The following WWOX variants were observed in gnomAD, a reference collection of about 807,000 sequenced individuals.
WWOX encodes WW domain-containing oxidoreductase.
A neutral mutation model predicts 46.2 loss-of-function variants in WWOX; 69 were observed. The ratio of observed to expected loss-of-function variants is 1.49; its 90% CI spans 1.23 to 1.82. The LOEUF (loss-of-function observed/expected upper bound fraction) is 1.82. Ranked by LOEUF, WWOX falls within the 40% of genes most tolerant of loss-of-function variation. WWOX has a pLI of 0.00. For synonymous variants in WWOX, 359 were observed against 202.6 expected, an observed-to-expected ratio of 1.77 and a Z score of -6.56; for missense variants, 919 against 542.6, an observed-to-expected ratio of 1.69 and a Z score of -6.89.
At chr16:78,951,712 G>A (rs372096759) in intron 8 of WWOX, among the ~76,000 whole-genome samples, 123 of 152,304 alleles carry the variant, frequency 8.1e-4, no homozygotes, top group African/African-American at 2.6e-3. Flanking sequence ...GGGGAACCAG[G>A]TGAGGGGGTT....
chr16:79,094,179 G>A (rs995310652), intron 8 of WWOX, among the ~76,000 whole-genome samples: 4 of 151,846 alleles, frequency 2.6e-5, no homozygotes, highest in East Asian at 1.9e-4. Flanking sequence ...GCAAAAGTTC[G>A]TCGTGTGCCG....
At chr16:78,955,902 C>T (rs940403775) in intron 8 of WWOX, among the ~76,000 whole-genome samples, 2 of 151,954 alleles carry the variant, frequency 1.3e-5, no homozygotes, top group African/African-American at 4.8e-5. Context: ...CCCCCCTCAG[C>T]CTCCCAAAGT....
chr16:78,776,049 AG>A (rs1480788891), intron 8 of WWOX, among the ~76,000 whole-genome samples: 1 of 152,226 alleles, frequency 6.6e-6, no homozygotes, highest in Non-Finnish European at 1.5e-5. Context: ...TTAAACCTAT[AG>A]GAGTATAACA....
At chr16:79,034,661 CTG>C (rs925100396) in intron 8 of WWOX, among the ~76,000 whole-genome samples, 1 of 151,426 alleles carries the variant, frequency 6.6e-6, no homozygotes, top group African/African-American at 2.4e-5. Flanking sequence ...TTGAATGCTT[CTG>C]TGTCATTTTC....
intron 8 of WWOX, among the ~76,000 whole-genome samples, chr16:78,793,770 A>G (rs185399365): frequency 1.3e-3 from 204 of 152,276 alleles, no homozygotes; most frequent in African/African-American, 4.7e-3. Context: ...AGAGGAATCC[A>G]GGTTAGAAAC....
chr16:78,293,159 G>T (rs1337236306), intron 5 of WWOX, among the ~76,000 whole-genome samples: 1 of 152,150 alleles, frequency 6.6e-6, no homozygotes, highest in Non-Finnish European at 1.5e-5. Context: ...CTCCATTCTA[G>T]CTGTGTGGCT....
intron 8 of WWOX, among the ~76,000 whole-genome samples, chr16:78,539,290 C>G (rs2043831093): frequency 6.6e-6 from 1 of 152,204 alleles, no homozygotes; most frequent in South Asian, 2.1e-4. Flanking sequence ...CCTTGTCCTA[C>G]TGGTAAAGGA....
chr16:78,565,269 C>G (rs760420874), intron 8 of WWOX, among the ~76,000 whole-genome samples: 6 of 152,204 alleles, frequency 3.9e-5, no homozygotes, highest in African/African-American at 7.2e-5. Flanking sequence ...ACATGCTTAT[C>G]ATGTTGCAGT....
intron 8 of WWOX, among the ~76,000 whole-genome samples, chr16:78,802,688 G>A (rs939689436): frequency 2.0e-5 from 3 of 151,746 alleles, no homozygotes; most frequent in Non-Finnish European, 2.9e-5. Context: ...GGCCAAGGCA[G>A]GCAGATTACT....
chr16:78,821,921 T>C (rs372615120), intron 8 of WWOX, among the ~76,000 whole-genome samples: 29 of 152,274 alleles, frequency 1.9e-4, no homozygotes, highest in African/African-American at 7.0e-4. Context: ...ACTGTGTTGC[T>C]CAGGCTAGAG....
intron 8 of WWOX, among the ~76,000 whole-genome samples, chr16:78,542,769 G>A (rs1280044262): frequency 6.6e-6 from 1 of 152,234 alleles, no homozygotes; most frequent in African/African-American, 2.4e-5. Flanking sequence ...TCTGTGAGAA[G>A]TGAAGGTAAT....
intron 8 of WWOX, among the ~76,000 whole-genome samples, chr16:78,662,384 C>G (rs1283549698): frequency 6.6e-6 from 1 of 152,052 alleles, no homozygotes. Flanking sequence ...GTTTTTTTCT[C>G]TTTCGTTTGT....
intron 8 of WWOX, among the ~76,000 whole-genome samples, chr16:79,147,274 C>T (rs1489232621): frequency 6.6e-6 from 1 of 152,184 alleles, no homozygotes. Context: ...ATCCCTGACC[C>T]CTGGCAACCA....
At chr16:78,943,491 T>C (rs763243642) in intron 8 of WWOX, among the ~76,000 whole-genome samples, 13 of 152,046 alleles carry the variant, frequency 8.6e-5, no homozygotes, top group Non-Finnish European at 1.6e-4. Context: ...AGCAGCTGAG[T>C]TATCAGATCT....
intron 6 of WWOX, among the ~76,000 whole-genome samples, chr16:78,401,272 TAAC>T (rs1462905881): frequency 2.7e-5 from 4 of 146,162 alleles, no homozygotes; most frequent in Non-Finnish European, 5.9e-5. Flanking sequence ...GATAGTAAAT[TAAC>T]AAAGTGGAAA....
At chr16:78,468,419 G>C (rs74028470) in intron 8 of WWOX, among the ~76,000 whole-genome samples, 1 of 152,036 alleles carries the variant, frequency 6.6e-6, no homozygotes, top group Non-Finnish European at 1.5e-5. Context: ...ATTGCACAGA[G>C]GAACACCACC....
chr16:78,882,577 A>C (rs1183035051), intron 8 of WWOX, among the ~76,000 whole-genome samples: 3 of 151,440 alleles, frequency 2.0e-5, no homozygotes, highest in South Asian at 4.2e-4. Context: ...CCCAGGTTCA[A>C]GTGATCCTCT....
intron 8 of WWOX, among the ~76,000 whole-genome samples, chr16:79,108,867 C>T (rs1438793818): frequency 1.3e-5 from 2 of 151,774 alleles, no homozygotes; most frequent in East Asian, 3.9e-4. Flanking sequence ...TGCCGCTGCA[C>T]TCCAGCATAC....
intron 8 of WWOX, among the ~76,000 whole-genome samples, chr16:78,936,994 A>G (rs2045751512): frequency 6.6e-6 from 1 of 152,234 alleles, no homozygotes; most frequent in East Asian, 1.9e-4. Context: ...GGATTTGGGA[A>G]TACGGTCATA....
Sources: allele counts gnomAD v4.1 joint callset (sites outside exome capture counted in the v4.1 genomes callset), GRCh38; gene constraint gnomAD v4.1.1; transcripts MANE v1.5; gene names NCBI Gene and HGNC (gene_info 2026-07-23, HGNC 2026-07-21).